Variants in PLXNB1 observed in about 807,000 individuals in gnomAD.
PLXNB1 encodes plexin B1, also known as plexin-B1.
PLXNB1 carries 106 observed loss-of-function variants against 209.4 expected under a neutral mutation model. That is an observed-to-expected ratio of 0.51 (90% confidence interval 0.43 to 0.59). PLXNB1 has a LOEUF of 0.59. Ranked by LOEUF, PLXNB1 falls within the 20% of genes least tolerant of loss-of-function variation. The probability of loss-of-function intolerance (pLI) is 0.00; values close to 1 mark genes in which losing one functional copy is unlikely to be tolerated. For missense variants in PLXNB1, 2,357 were observed against 2,853.2 expected (o/e 0.83, Z 3.96); for synonymous variants, 1,167 against 1,183.2 (o/e 0.99, Z 0.28).
intron 21 of PLXNB1, 31 bp from the exon 22 acceptor site, chr3:48,414,102 A>G: frequency 6.2e-7 from 1 of 1,609,196 alleles, no homozygotes; most frequent in Non-Finnish European, 8.5e-7. Context: ...TCAGTCACTC[A>G]GGACCCTTCC....
At chr3:48,414,118 ATCCTGTCC>A (rs2037902146) in intron 21 of PLXNB1, 47 bp from the exon 22 acceptor site, 1 of 1,586,394 alleles carries the variant, frequency 6.3e-7, no homozygotes, top group Non-Finnish European at 8.6e-7. Context: ...CTTCCCTCAG[ATCCTGTCC>A]TCCCCAAATG....
In PLXNB1 at chr3:48,420,239, C is replaced by T; in HGVS notation, c.2047G>A (p.Asp683Asn). The T allele has an allele frequency of 6.5e-7, 1 of 1,547,636 alleles. No homozygotes were observed. The highest frequency in any genetic ancestry group is 8.7e-7 in the Non-Finnish European group (1 of 1,146,012). ...CTGGGTCCACCTCTTGCAGGAGGGT[C>T]TGGGGAGACAAGCGGGCTCTGAAGG... ...ASHQSPLVSP[D>N]PPARGGPSPS... The change falls in exon 11 of 38, where the codon GAC becomes AAC. Residue 683 changes from aspartate to asparagine, a missense_variant. Transcript: ENST00000296440.
chr3:48,427,638 C>A (rs1476663534), intron 1 of PLXNB1, among the ~76,000 whole-genome samples: 2 of 152,208 alleles, frequency 1.3e-5, no homozygotes, highest in African/African-American at 4.8e-5. Context: ...TGCCAGTGCT[C>A]CCCCACACAT....
At chr3:48,414,287 C>A (rs988688198) in intron 21 of PLXNB1, among the ~76,000 whole-genome samples, 8 of 152,192 alleles carry the variant, frequency 5.3e-5, no homozygotes, top group African/African-American at 1.9e-4. Context: ...AACGAAAAAT[C>A]TGGAGAACAT....
At position 48,410,232 on chromosome 3, in the gene PLXNB1, C is replaced by T. The variant is rs2037582648; in HGVS notation, c.5605+64G>A. ...CAAGCCTGCCCTGAGGCCCAGAGGA[C>T]CTTCCCCATGACTCCGGGCTGGGCA... On this transcript the variant is annotated intron_variant, in intron 31 of 37. Transcript: ENST00000296440. This position sits in a 1 kb window ranked among gnomAD's most constrained non-coding sequence, Gnocchi z 6.4. The T allele has an allele frequency of 6.7e-7, 1 of 1,489,130 alleles. No homozygotes were observed. Among genetic ancestry groups the T allele is most frequent in the Non-Finnish European group, 9.2e-7 (1 of 1,092,472 alleles). The allele number at this position is 1,489,130 out of a possible 1,614,324, so 92.2% of individuals were successfully genotyped here.
rs1329110155 is a variant in PLXNB1 at position 48,420,884 on chromosome 3, T to G, written c.1883A>C (p.Asp628Ala). ...GCGGAGTTCAGTGACCGCCACACAG[T>G]CATAGAAAGAGAGGGAAGTTTTGGC... is the stretch of plus-strand genomic sequence containing the variant. ...VIAKTSLSFY[D>A]CVAVTELRPS... Residue 628 changes from aspartate to alanine, a missense_variant, in exon 9 of 38, where the codon GAC becomes GCC. By Grantham distance (126) the Asp-to-Ala change is moderately radical (BLOSUM62 -2). Coordinates refer to ENST00000296440, the MANE Select transcript of PLXNB1 (RefSeq NM_001130082.3). 2 of 1,613,974 alleles carry G rather than the reference T, an allele frequency of 1.2e-6. No homozygotes were observed. Among genetic ancestry groups the G allele is most frequent in the Admixed American group, 3.3e-5 (2 of 60,020 alleles).
In PLXNB1 at chr3:48,419,471, C is replaced by A. The variant is rs1167835817; in HGVS notation, c.2710-105G>T. On this transcript the variant is annotated intron_variant, in intron 11 of 37. Transcript: ENST00000296440. The surrounding 1 kb of genome is among the most constrained non-coding windows in gnomAD (Gnocchi z 5.7). ...AAGGCCGGTGTGGGGCTGCAGACTC[C>A]ACCCTGCCCCTCACCTCCTCCCAGT... 3.6e-5 allele frequency: 54 copies of A among 1,494,016 alleles called. No homozygotes were observed. Among genetic ancestry groups the A allele is most frequent in the Non-Finnish European group, 4.9e-5 (54 of 1,109,958 alleles). 92.5% of individuals were successfully genotyped at this position (1,494,016 alleles called of 1,614,324 possible).
chr3:48,414,805 G>A lies in PLXNB1; in HGVS notation c.4203C>T (p.Ser1401=), dbSNP rs367655207. Reference sequence around the variant, plus strand: ...GTCCAAGTAGGAGCTGTACCTCCACGGAGAACACACTCCCAGGCTTGTGCC... The same window carrying A: ...GTCCAAGTAGGAGCTGTACCTCCACAGAGAACACACTCCCAGGCTTGTGCC... ...PFRHKPGSVF[S]VEGENLDLAM... Residue 1401 remains serine, a synonymous_variant, in exon 21 of 38, where the codon TCC becomes TCT. Transcript: ENST00000296440. 187 of 1,613,330 alleles carry A rather than the reference G, an allele frequency of 1.2e-4. No homozygotes were observed. The highest frequency in any genetic ancestry group is 1.3e-4 in the Non-Finnish European group (159 of 1,179,602).
rs761265388 is a variant in PLXNB1 at position 48,406,995 on chromosome 3, C to T, written c.6152+32G>A. The T allele has an allele frequency of 6.2e-7, 1 of 1,612,568 alleles. No individual in the cohort carries two copies. The highest frequency in any genetic ancestry group is 8.5e-7 in the Non-Finnish European group (1 of 1,178,558). ...CCCCCAAGCCTCAGCTGCACACGCCCTCCAACCTCTACCCACCGTGCCCTC... is the reference window on the plus strand; with the variant it reads ...CCCCCAAGCCTCAGCTGCACACGCCTTCCAACCTCTACCCACCGTGCCCTC... On this transcript the variant is annotated intron_variant, in intron 35 of 37. Coordinates refer to ENST00000296440, the MANE Select transcript of PLXNB1 (RefSeq NM_001130082.3). This position sits in a 1 kb window ranked among gnomAD's most constrained non-coding sequence, Gnocchi z 4.4.
chr3:48,413,248 C>T lies in PLXNB1; in HGVS notation c.4536-79G>A, dbSNP rs908629043. On this transcript the variant is annotated intron_variant, in intron 23 of 37. Coordinates refer to ENST00000296440, the MANE Select transcript of PLXNB1 (RefSeq NM_001130082.3). This position sits in a 1 kb window ranked among gnomAD's most constrained non-coding sequence, Gnocchi z 5.4. ...GCCTGCCTGACAATCCCCAGGCACA[C>T]CCCGGCCTCATCCAGCACAGTCCAA... The T allele has an allele frequency of 4.4e-6, 5 of 1,133,892 alleles. No individual in the cohort carries two copies. The East Asian group carries it at 9.4e-5, about 21-fold the overall frequency. 70.2% of individuals were successfully genotyped at this position (1,133,892 alleles called of 1,614,324 possible).
rs1016696937 is a variant in PLXNB1 at position 48,409,023 on chromosome 3, C to T, written c.6087+306G>A. Reference sequence around the variant, plus strand: ...GTTCCCAGACCTTCTGTGGCTCCCACTGCCCCAGGAGTGAGTCCTGACCAA... The same window carrying T: ...GTTCCCAGACCTTCTGTGGCTCCCATTGCCCCAGGAGTGAGTCCTGACCAA... On this transcript the variant is annotated intron_variant, in intron 34 of 37. Coordinates refer to ENST00000296440, the MANE Select transcript of PLXNB1 (RefSeq NM_001130082.3). This position sits in a 1 kb window ranked among gnomAD's most constrained non-coding sequence, Gnocchi z 5.8. 1.3e-5 allele frequency among the ~76,000 whole-genome samples: 2 copies of T among 152,254 alleles called. No individual in the cohort carries two copies. The highest frequency in any genetic ancestry group is 4.8e-5 in the African/African-American group (2 of 41,478).
chr3:48,414,219 T>C (rs2037912501), intron 21 of PLXNB1, 148 bp from the exon 22 acceptor site: 2 of 676,870 alleles, frequency 3.0e-6, no homozygotes, highest in Admixed American at 2.4e-5. Context: ...AGTCACACGG[T>C]GTCCTCCAAG....
chr3:48,409,182 G>A lies in PLXNB1; in HGVS notation c.6087+147C>T, dbSNP rs2037489761. Reference sequence around the variant, plus strand: ...CTCTTGCTCATCCCTTAAAACTGAGGTGGCCCCGGGATGAAGCCTTGGCTT... The same window carrying A: ...CTCTTGCTCATCCCTTAAAACTGAGATGGCCCCGGGATGAAGCCTTGGCTT... On this transcript the variant is annotated intron_variant, in intron 34 of 37. Transcript: ENST00000296440. The surrounding 1 kb of genome is among the most constrained non-coding windows in gnomAD (Gnocchi z 5.8). 2.3e-6 allele frequency: 2 copies of A among 862,052 alleles called. No individual in the cohort carries two copies. The highest frequency in any genetic ancestry group is 3.5e-6 in the Non-Finnish European group (2 of 563,892). The allele number at this position is 862,052 out of a possible 1,614,324, so 53.4% of individuals were successfully genotyped here.
chr3:48,420,167 C>G lies in PLXNB1; in HGVS notation c.2119G>C (p.Asp707His). 1 of 1,592,480 alleles carries G rather than the reference C, an allele frequency of 6.3e-7. No homozygotes were observed. Among genetic ancestry groups the G allele is most frequent in the Non-Finnish European group, 8.5e-7 (1 of 1,171,018 alleles). ...APKALATPAP[D>H]TLPVEPGAPS... ...GCCCCAGGCTCCACGGGAAGGGTGT[C>G]AGGAGCAGGGGTGGCCAGGGCTTTG... The change falls in exon 11 of 38, where the codon GAC becomes CAC. Residue 707 changes from aspartate to histidine, a missense_variant. Coordinates refer to ENST00000296440, the MANE Select transcript of PLXNB1 (RefSeq NM_001130082.3).
chr3:48,417,728 C>T lies in PLXNB1; in HGVS notation c.3374+183G>A, dbSNP rs1229425825. On this transcript the variant is annotated intron_variant, in intron 16 of 37. Coordinates refer to ENST00000296440, the MANE Select transcript of PLXNB1 (RefSeq NM_001130082.3). The surrounding 1 kb of genome is among the most constrained non-coding windows in gnomAD (Gnocchi z 4.4). Reference sequence around the variant, plus strand: ...ATTCCCCAGCAGCCCAGGCCAGGAACCTACAGGTGTGGTGGGTGCTCAGGG... The same window carrying T: ...ATTCCCCAGCAGCCCAGGCCAGGAATCTACAGGTGTGGTGGGTGCTCAGGG... 6.6e-6 allele frequency among the ~76,000 whole-genome samples: 1 copy of T among 152,208 alleles called. No homozygotes were observed.
rs2037989658 is a variant in PLXNB1, at chr3:48,415,134, T to C, written c.3966+42A>G. 1 of 1,606,906 alleles carries C rather than the reference T, an allele frequency of 6.2e-7. No individual in the cohort carries two copies. Among genetic ancestry groups the C allele is most frequent in the Admixed American group, 1.7e-5 (1 of 59,876 alleles). On this transcript the variant is annotated intron_variant, in intron 20 of 37. Coordinates refer to ENST00000296440, the MANE Select transcript of PLXNB1 (RefSeq NM_001130082.3). This position sits in a 1 kb window ranked among gnomAD's most constrained non-coding sequence, Gnocchi z 5.0. ...CTCTGGCTGTCCCCAGGGTGTGGTA[T>C]GGGGCAAGGGGAGAGTGTGGGGGTA...
chr3:48,423,580 C>G lies in PLXNB1; in HGVS notation c.1032G>C (p.Glu344Asp), dbSNP rs771383902. 2.5e-6 allele frequency: 4 copies of G among 1,614,230 alleles called. No homozygotes were observed. The highest frequency in any genetic ancestry group is 2.5e-6 in the Non-Finnish European group (3 of 1,180,044). The change falls in exon 3 of 38, where the codon GAG becomes GAC. Residue 344 changes from glutamate (E) to aspartate (D), a missense_variant. By Grantham distance (45) the Glu-to-Asp change is conservative. This residue lies in a region of PLXNB1 where 404 missense variants were observed against 443.6 expected (regional missense o/e 0.91). Transcript: ENST00000296440. The part of the protein sequence containing the change: ...NRTRDACYTR[E>D]GRAEDGTEVA... ...CCTCGGTCCCATCCTCAGCACGACCCTCCCGGGTGTAGCAGGCATCTCGCG... is the reference window on the plus strand; with the variant it reads ...CCTCGGTCCCATCCTCAGCACGACCGTCCCGGGTGTAGCAGGCATCTCGCG...
Position 48,420,078 on chromosome 3 carries a change from C to G in PLXNB1, c.2208G>C (p.Trp736Cys). Residue 736 changes from tryptophan (W) to cysteine (C), a missense_variant, in exon 11 of 38, where the codon TGG becomes TGC. Physicochemically the swap from Trp to Cys is radical, Grantham distance 215. Around this residue, in one of 7 missense-constraint regions of PLXNB1, gnomAD observed 410 missense variants for 401.0 expected, o/e 1.02. Transcript: ENST00000296440. Reference sequence around the variant, plus strand: ...TGGAGCCAGAACCTGCCCATGGCCCCCAGGGGCTGAGCAGGGAAGGACTAG... The same window carrying G: ...TGGAGCCAGAACCTGCCCATGGCCCGCAGGGGCTGAGCAGGGAAGGACTAG... Reference protein sequence around the residue: ...PGASPSLLSPWGPWAGSGSIS... With the variant: ...PGASPSLLSPCGPWAGSGSIS... The G allele has an allele frequency of 6.2e-7, 1 of 1,613,566 alleles. No homozygotes were observed. The highest frequency in any genetic ancestry group is 8.5e-7 in the Non-Finnish European group (1 of 1,179,930).
intron 10 of PLXNB1, among the ~76,000 whole-genome samples, chr3:48,420,460 A>G (rs1475060506): frequency 6.6e-6 from 1 of 152,162 alleles, no homozygotes; most frequent in Non-Finnish European, 1.5e-5. Flanking sequence ...AAGGCCAGAC[A>G]TCCCCTGCCT....
Sources: gnomAD v4.1 joint callset for allele counts (sites outside exome capture counted in the v4.1 genomes callset) on GRCh38, gnomAD v4.1.1 for gene constraint, gnomAD v4.1.1 regional missense constraint, Gnocchi (gnomAD v3.1) non-coding constraint, MANE v1.5 for transcripts, NCBI Gene and HGNC (gene_info 2026-07-23, HGNC 2026-07-21) for gene names.